The following ZIM2 variants were observed in gnomAD, a reference collection of about 807,000 sequenced individuals.
ZIM2 encodes zinc finger protein 656.
A neutral mutation model predicts 38.6 loss-of-function variants in ZIM2; 14 were observed. That is an observed-to-expected ratio of 0.36 (90% CI 0.24 to 0.57). The LOEUF is 0.57. Ranked by LOEUF, ZIM2 falls within the 20% of genes least tolerant of loss-of-function variation. ZIM2 has a pLI of 0.81. For missense variants in ZIM2, 680 were observed against 695.1 expected (o/e 0.98, Z 0.24); for synonymous variants, 247 against 245.8 (o/e 1.00, Z -0.04).
At chr19:56,815,183 G>C (rs758971364) in intron 9 of ZIM2, 6 of 1,613,908 alleles carry the variant, frequency 3.7e-6, no homozygotes, top group Non-Finnish European at 5.1e-6. Flanking sequence ...TGAATGACAG[G>C]GTCTTCAATT....
At position 56,782,083 on chromosome 19, in the gene ZIM2, A is replaced by C; in HGVS notation, c.609T>G (p.Phe203Leu). The C allele has an allele frequency of 6.2e-7, 1 of 1,613,984 alleles. No homozygotes were observed. Among genetic ancestry groups the C allele is most frequent in the Non-Finnish European group, 8.5e-7 (1 of 1,179,880 alleles). The change falls in exon 11 of 13, where the codon TTT becomes TTG. Residue 203 changes from phenylalanine (F) to leucine (L), a missense_variant. Coordinates refer to ENST00000629319, the MANE Select transcript of ZIM2 (RefSeq NM_001387356.1). Reference sequence around the variant, plus strand: ...CATCCTCGAAGGTCACCAACTCCTCAAACACCAGAAATGTTCCTAAGTGTT... The same window carrying C: ...CATCCTCGAAGGTCACCAACTCCTCCAACACCAGAAATGTTCCTAAGTGTT... ...DFKHLGTFLV[F>L]EELVTFEDVL...
At chr19:56,775,626 TG>T (rs1211551950) in intron 12 of ZIM2, 97 bp from the exon 13 acceptor site, 2 of 1,491,518 alleles carry the variant, frequency 1.3e-6, no homozygotes, top group Non-Finnish European at 1.8e-6. Context: ...CTGGAGTTAG[TG>T]CTTTGGTTTC....
intron 7 of ZIM2, among the ~76,000 whole-genome samples, chr19:56,820,106 TTG>T (rs770861126): frequency 3.3e-5 from 5 of 152,244 alleles, no homozygotes; most frequent in Non-Finnish European, 5.9e-5. Context: ...GTTGTTCGCT[TTG>T]TGTTTGTAAT....
chr19:56,785,784 T>C (rs2046567196), intron 10 of ZIM2, among the ~76,000 whole-genome samples: 1 of 152,234 alleles, frequency 6.6e-6, no homozygotes, highest in African/African-American at 2.4e-5. Flanking sequence ...ACAAATCACC[T>C]GGGGATCTTG....
intron 10 of ZIM2, among the ~76,000 whole-genome samples, chr19:56,788,728 T>C (rs922540748): frequency 3.9e-5 from 6 of 152,174 alleles, no homozygotes; most frequent in African/African-American, 1.4e-4. Flanking sequence ...TCCTGGATAA[T>C]ATCCTGAAGA....
chr19:56,792,520 G>C (rs1056295251), intron 9 of ZIM2, among the ~76,000 whole-genome samples: 4 of 99,520 alleles, frequency 4.0e-5, no homozygotes, highest in African/African-American at 1.3e-4. Context: ...GACAGAGCAA[G>C]ACTCTGTCTC....
In ZIM2 at chr19:56,816,122, A is replaced by G. The variant is rs575182107; in HGVS notation, c.490+1624T>C. The G allele has an allele frequency of 1.9e-6, 3 of 1,613,176 alleles. No homozygotes were observed. The African/African-American group carries it at 4.0e-5, about 22-fold the overall frequency. Reference sequence around the variant, plus strand: ...AAGCTATGAATAACAGACCTCTCATATGATTTTGCCTCATAGACATTTTCC... The same window carrying G: ...AAGCTATGAATAACAGACCTCTCATGTGATTTTGCCTCATAGACATTTTCC... On this transcript the variant is annotated intron_variant, in intron 9 of 12. Coordinates refer to ENST00000629319, the MANE Select transcript of ZIM2 (RefSeq NM_001387356.1).
chr19:56,834,858 G>A (rs2146610007), intron 2 of ZIM2, among the ~76,000 whole-genome samples: 1 of 152,228 alleles, frequency 6.6e-6, no homozygotes, highest in Non-Finnish European at 1.5e-5. Context: ...TAGACACTGA[G>A]GCCAGGGATT....
chr19:56,791,219 C>T (rs1019915866), intron 9 of ZIM2: 2 of 152,244 alleles, frequency 1.3e-5, no homozygotes. Flanking sequence ...AGTCTGAATC[C>T]TGACTGCCAA....
At chr19:56,787,906 T>G (rs1184934077) in intron 10 of ZIM2, among the ~76,000 whole-genome samples, 1 of 152,022 alleles carries the variant, frequency 6.6e-6, no homozygotes, top group African/African-American at 2.4e-5. Flanking sequence ...CTCATGGTAG[T>G]TTGTATTTCT....
At chr19:56,816,092 A>G (rs934824523) in intron 9 of ZIM2, 1 of 1,605,262 alleles carries the variant, frequency 6.2e-7, no homozygotes, top group African/African-American at 1.3e-5. Flanking sequence ...GCTTCCACAG[A>G]GGCTAAGCTA....
intron 9 of ZIM2, among the ~76,000 whole-genome samples, chr19:56,808,091 G>T (rs1316552015): frequency 6.6e-6 from 1 of 152,076 alleles, no homozygotes; most frequent in East Asian, 1.9e-4. Flanking sequence ...TCAAATTCTT[G>T]GGTGAGGAAG....
intron 12 of ZIM2, among the ~76,000 whole-genome samples, chr19:56,776,957 C>A (rs2046045763): frequency 1.3e-5 from 2 of 152,308 alleles, no homozygotes; most frequent in Admixed American, 6.5e-5. Context: ...ATGCAAATTT[C>A]AGGCCAGAAT....
At chr19:56,836,238 T>C (rs987869684) in intron 1 of ZIM2, 134 bp from the exon 2 acceptor site, 2 of 360,730 alleles carry the variant, frequency 5.5e-6, no homozygotes, top group Non-Finnish European at 1.1e-5. Flanking sequence ...ATGAAAAGCA[T>C]CCCATCCAGG....
At chr19:56,782,659 C>A (rs1169107530) in intron 10 of ZIM2, among the ~76,000 whole-genome samples, 1 of 152,100 alleles carries the variant, frequency 6.6e-6, no homozygotes, top group Admixed American at 6.5e-5. Context: ...GATCCACTGG[C>A]GATGCTAAGG....
At chr19:56,790,865 C>T (rs913916765) in intron 9 of ZIM2, among the ~76,000 whole-genome samples, 1 of 152,156 alleles carries the variant, frequency 6.6e-6, no homozygotes, top group Admixed American at 6.5e-5. Context: ...GTAAGGCACA[C>T]AGTAGGTATT....
At position 56,818,737 on chromosome 19, in the gene ZIM2, T is replaced by C. The variant is rs757115227; in HGVS notation, c.295-35A>G. 16 of 1,606,998 alleles carry C rather than the reference T, an allele frequency of 1.0e-5. 1 individual carries two copies. Among genetic ancestry groups the C allele is most frequent in the East Asian group, 6.7e-5 (3 of 44,826 alleles). On this transcript the variant is annotated intron_variant, in intron 7 of 12. Coordinates refer to ENST00000629319, the MANE Select transcript of ZIM2 (RefSeq NM_001387356.1). Reference sequence around the variant, plus strand: ...CAAACACAGACCTCTCAATGGAGTCTGTCCCCACCGATGTTCAAAGACAGA... The same window carrying C: ...CAAACACAGACCTCTCAATGGAGTCCGTCCCCACCGATGTTCAAAGACAGA...
chr19:56,800,200 G>C (rs181320834), intron 9 of ZIM2, among the ~76,000 whole-genome samples: 1 of 150,382 alleles, frequency 6.6e-6, no homozygotes, highest in East Asian at 1.9e-4. Flanking sequence ...CCTCACAATA[G>C]AAAAAAAAGA....
Position 56,789,970 on chromosome 19 carries a change from T to C in ZIM2, c.491-19A>G. 6.6e-7 allele frequency: 1 copy of C among 1,519,708 alleles called. No individual in the cohort carries two copies. Among genetic ancestry groups the C allele is most frequent in the Non-Finnish European group, 8.9e-7 (1 of 1,118,310 alleles). The allele number at this position is 1,519,708 out of a possible 1,614,324, so 94.1% of individuals were successfully genotyped here. On this transcript the variant is annotated intron_variant, in intron 9 of 12. Transcript: ENST00000629319. ...AGGAAACCTAGAAGGGAGAGAGGAA[T>C]ACCATGGAATTGAGTCCTGTCTGGT... is the stretch of plus-strand genomic sequence containing the variant.
Sources: allele counts gnomAD v4.1 joint callset (sites outside exome capture counted in the v4.1 genomes callset), GRCh38; gene constraint gnomAD v4.1.1; transcripts MANE v1.5; gene names NCBI Gene and HGNC (gene_info 2026-07-23, HGNC 2026-07-21).